Variants in PANX1 observed in about 807,000 individuals in gnomAD.
PANX1 encodes pannexin-1.
In PANX1, 30 loss-of-function variants were observed where a neutral mutation model predicts 38.7. That is an observed-to-expected ratio of 0.78 (90% CI 0.58 to 1.05). The LOEUF (loss-of-function observed/expected upper bound fraction) is 1.05, where lower values mean the gene tolerates loss of function less well. Ranked by LOEUF, PANX1 falls within the 50% of genes least tolerant of loss-of-function variation. The pLI is 0.00. For synonymous variants in PANX1, 230 were observed against 212.2 expected (o/e 1.08, Z -0.73); for missense variants, 551 against 517.2 (o/e 1.07, Z -0.63).
chr11:94,138,529 T>C (rs375464330), intron 1 of PANX1, among the ~76,000 whole-genome samples: 173 of 152,320 alleles, frequency 1.1e-3, no homozygotes, highest in African/African-American at 3.8e-3. Flanking sequence ...TTTTTGTTGG[T>C]ATGTAAAGGT....
At chr11:94,133,872 G>A (rs1300172936) in intron 1 of PANX1, among the ~76,000 whole-genome samples, 2 of 152,128 alleles carry the variant, frequency 1.3e-5, no homozygotes, top group Non-Finnish European at 2.9e-5. Flanking sequence ...AGCACACTAG[G>A]GAACTCTCCC....
intron 2 of PANX1, among the ~76,000 whole-genome samples, chr11:94,167,872 AG>A (rs1947120690): frequency 6.6e-6 from 1 of 152,340 alleles, no homozygotes; most frequent in Middle Eastern, 3.4e-3. Context: ...AGGCAGTGAG[AG>A]GGAATAATCA....
At chr11:94,130,976 C>A (rs547732885) in intron 1 of PANX1, among the ~76,000 whole-genome samples, 1 of 152,196 alleles carries the variant, frequency 6.6e-6, no homozygotes, top group South Asian at 2.1e-4. Flanking sequence ...GCATAGTCAT[C>A]GGGATGTTCT....
At chr11:94,175,094 G>A (rs1449460187) in intron 2 of PANX1, among the ~76,000 whole-genome samples, 1 of 151,736 alleles carries the variant, frequency 6.6e-6, no homozygotes, top group Non-Finnish European at 1.5e-5. Flanking sequence ...AGTTGACACA[G>A]CTTATGAACA....
intron 2 of PANX1, among the ~76,000 whole-genome samples, chr11:94,167,301 G>A (rs1947113317): frequency 6.6e-6 from 1 of 152,180 alleles, no homozygotes; most frequent in African/African-American, 2.4e-5. Context: ...TCGTTGTTAT[G>A]TTAAAACCAG....
At chr11:94,160,725 A>G (rs1394534421) in intron 2 of PANX1, among the ~76,000 whole-genome samples, 2 of 152,180 alleles carry the variant, frequency 1.3e-5, no homozygotes, top group Non-Finnish European at 2.9e-5. Context: ...GCCCATTTAC[A>G]TTTAAAATTA....
At chr11:94,130,154 C>T (rs1946610991) in intron 1 of PANX1, among the ~76,000 whole-genome samples, 1 of 152,166 alleles carries the variant, frequency 6.6e-6, no homozygotes, top group South Asian at 2.1e-4. Flanking sequence ...CACGTGGCTA[C>T]GTGCCTTACC....
At chr11:94,144,177 A>G (rs1273677500) in intron 1 of PANX1, among the ~76,000 whole-genome samples, 2 of 152,104 alleles carry the variant, frequency 1.3e-5, no homozygotes, top group African/African-American at 4.8e-5. Flanking sequence ...TTGGCCTTAA[A>G]TAGTCTGTTC....
intron 1 of PANX1, among the ~76,000 whole-genome samples, chr11:94,149,395 G>A (rs1946860695): frequency 6.6e-6 from 1 of 152,300 alleles, no homozygotes; most frequent in Admixed American, 6.5e-5. Flanking sequence ...CTATGCTCCA[G>A]GTCAAGGCAC....
intron 1 of PANX1, among the ~76,000 whole-genome samples, chr11:94,134,331 G>T (rs1946663060): frequency 6.6e-6 from 1 of 152,144 alleles, no homozygotes; most frequent in Non-Finnish European, 1.5e-5. Context: ...ATTGATGGGG[G>T]GAGAGGTTTA....
rs942748797 is a variant in PANX1 at position 94,136,550 on chromosome 11, G to C, written c.181+7057G>C. ...AATCCCAGCACTTTGGGAGGCCGAC[G>C]TGGGCGGATCACGAGGTCAGGAGAT... On this transcript the variant is annotated intron_variant, in intron 1 of 4. Coordinates refer to ENST00000227638, the MANE Select transcript of PANX1 (RefSeq NM_015368.4). 2.0e-5 allele frequency among the ~76,000 whole-genome samples: 3 copies of C among 152,122 alleles called. No individual in the cohort carries two copies. In the East Asian group the frequency reaches 5.8e-4, roughly 29 times the overall value.
chr11:94,166,875 C>T (rs1465350247), intron 2 of PANX1, among the ~76,000 whole-genome samples: 2 of 152,104 alleles, frequency 1.3e-5, no homozygotes, highest in African/African-American at 2.4e-5. Context: ...CAGTTAATGT[C>T]GTACTGGGTC....
intron 1 of PANX1, among the ~76,000 whole-genome samples, chr11:94,150,756 G>GCCTGGGAATACCCAATA (rs1298974308): frequency 3.9e-5 from 6 of 152,160 alleles, no homozygotes; most frequent in African/African-American, 1.4e-4. Flanking sequence ...CCCATTTCTG[G>GCCTGGGAATACCCAATA]CCTGGGAATA....
chr11:94,140,519 C>T (rs1946749490), intron 1 of PANX1, among the ~76,000 whole-genome samples: 2 of 152,202 alleles, frequency 1.3e-5, no homozygotes, highest in African/African-American at 4.8e-5. Flanking sequence ...TCTGCCTCAT[C>T]TTTTTAAATG....
At position 94,129,153 on chromosome 11, in the gene PANX1, G is replaced by A; in HGVS notation, c.-160G>A. 1.8e-6 allele frequency: 1 copy of A among 557,614 alleles called. No individual in the cohort carries two copies. Among genetic ancestry groups the A allele is most frequent in the Non-Finnish European group, 3.1e-6 (1 of 326,730 alleles). The allele number at this position is 557,614 out of a possible 1,614,324, so 34.5% of individuals were successfully genotyped here. ...CGCGAGAGCCCAGCGGAGTCGCTGGGAGCCTGAGGCACCGAGACACAAAGG... is the reference window on the plus strand; with the variant it reads ...CGCGAGAGCCCAGCGGAGTCGCTGGAAGCCTGAGGCACCGAGACACAAAGG... On this transcript the variant is annotated 5_prime_UTR_variant, in exon 1 of 5. Coordinates refer to ENST00000227638, the MANE Select transcript of PANX1 (RefSeq NM_015368.4).
chr11:94,159,634 T>G (rs1326384167), intron 2 of PANX1, among the ~76,000 whole-genome samples: 1 of 152,170 alleles, frequency 6.6e-6, no homozygotes, highest in Non-Finnish European at 1.5e-5. Context: ...TTTATTAGTC[T>G]TGCTAGCGGT....
rs534394584 is a variant in PANX1 at position 94,177,572 on chromosome 11, C to T, written c.322-797C>T. On this transcript the variant is annotated intron_variant, in intron 2 of 4. Coordinates refer to ENST00000227638, the MANE Select transcript of PANX1 (RefSeq NM_015368.4). ...TCAGATCTGCACTGACTGCAATTTA[C>T]GGTCTTCCTAAGTCTTCTGCTGAGG... 6.8e-4 allele frequency among the ~76,000 whole-genome samples: 103 copies of T among 152,318 alleles called. No homozygotes were observed. The Middle Eastern group carries it at 0.01, about 15-fold the overall frequency.
At chr11:94,168,313 G>A (rs974765901) in intron 2 of PANX1, among the ~76,000 whole-genome samples, 3 of 152,144 alleles carry the variant, frequency 2.0e-5, no homozygotes, top group African/African-American at 7.2e-5. Flanking sequence ...GGTTACAGGG[G>A]ACTTTGAAAA....
chr11:94,141,882 C>T (rs901151255), intron 1 of PANX1, among the ~76,000 whole-genome samples: 1 of 152,092 alleles, frequency 6.6e-6, no homozygotes, highest in East Asian at 1.9e-4. Flanking sequence ...AATTAGCGCT[C>T]GAAGCACTGG....
Sources: gnomAD v4.1 joint callset for allele counts (sites outside exome capture counted in the v4.1 genomes callset) on GRCh38, gnomAD v4.1.1 for gene constraint, MANE v1.5 for transcripts, NCBI Gene and HGNC (gene_info 2026-07-23, HGNC 2026-07-21) for gene names.